The following USP42 variants were observed in gnomAD, a reference collection of about 807,000 sequenced individuals.
USP42 encodes the protein ubiquitin specific peptidase 42.
Under a neutral mutation model 113.0 loss-of-function variants are expected in USP42, and 23 were observed. The ratio of observed to expected loss-of-function variants is 0.20; its 90% CI spans 0.15 to 0.29. The LOEUF (loss-of-function observed/expected upper bound fraction) is 0.29. Among genes scored for constraint, USP42 ranks in the 10% least tolerant of loss-of-function variants. The pLI, the probability that USP42 is intolerant of heterozygous loss-of-function variation, is 1.00. For missense variants in USP42, 2,174 were observed against 1,779.8 expected, an observed-to-expected ratio of 1.22 and a Z score of -3.99; for synonymous variants, 933 against 699.0, an observed-to-expected ratio of 1.33 and a Z score of -5.28.
At position 6,157,666 on chromosome 7, in the gene USP42, T is replaced by C. The variant is rs186661622; in HGVS notation, c.3943+611T>C. On this transcript the variant is annotated intron_variant, in intron 16 of 17. Coordinates refer to ENST00000306177, the MANE Select transcript of USP42 (RefSeq NM_032172.3). This position sits in a 1 kb window ranked among gnomAD's most constrained non-coding sequence, Gnocchi z 4.1. ...TTTTGATAGAAATACTTTTGCAGCG[T>C]ATACGTTACTCTCCCGAATCCTTAA... is the stretch of plus-strand genomic sequence containing the variant. 5.6e-4 allele frequency among the ~76,000 whole-genome samples: 86 copies of C among 152,344 alleles called. No individual in the cohort carries two copies. The highest frequency in any genetic ancestry group is 2.0e-3 in the African/African-American group (83 of 41,586).
rs1383077474 is a variant in USP42 at position 6,154,708 on chromosome 7, G to T, written c.3154G>T (p.Asp1052Tyr). ...CTGGGGCCGGGAGAAGTTCTACCCC[G>T]ACAGGCCGCGCTGGGACAGGTGCCG... ...RGWGREKFYP[D>Y]RPRWDRCRYY... is the part of the protein sequence containing the mutation. The change falls in exon 15 of 18, where the codon GAC becomes TAC. Residue 1052 changes from aspartate (D) to tyrosine (Y), a missense_variant. Physicochemically the swap from Asp to Tyr is radical, Grantham distance 160. Coordinates refer to ENST00000306177, the MANE Select transcript of USP42 (RefSeq NM_032172.3). 3 of 1,597,080 alleles carry T rather than the reference G, an allele frequency of 1.9e-6. No individual in the cohort carries two copies. The highest frequency in any genetic ancestry group is 3.4e-5 in the Admixed American group (2 of 58,308).
At chr7:6,132,694 C>A (rs146156145) in intron 3 of USP42, among the ~76,000 whole-genome samples, 1 of 151,678 alleles carries the variant, frequency 6.6e-6, no homozygotes, top group Admixed American at 6.6e-5. Context: ...TTTTTTGAGA[C>A]GGAGTTTTGC....
chr7:6,111,474 G>A (rs560244987), intron 2 of USP42, 100 bp downstream of exon 2: 1,227 of 1,428,192 alleles, frequency 8.6e-4, no homozygotes, highest in Non-Finnish European at 1.1e-3. Context: ...CAAGGCGTGA[G>A]GCCACCTGAG....
rs1779851622 is a variant in USP42, at chr7:6,115,212, G to A, written c.242-111G>A. ...CTTCCCCCTGTATTTCAGGTAGGCT[G>A]GTCATGAGATTTCGGATCTTGTAAA... On this transcript the variant is annotated intron_variant, in intron 2 of 17. Coordinates refer to ENST00000306177, the MANE Select transcript of USP42 (RefSeq NM_032172.3). 42 of 1,027,124 alleles carry A rather than the reference G, an allele frequency of 4.1e-5. No individual in the cohort carries two copies. In the South Asian group the frequency reaches 5.9e-4, roughly 15 times the overall value. The allele number at this position is 1,027,124 out of a possible 1,614,324, so 63.6% of individuals were successfully genotyped here.
intron 3 of USP42, among the ~76,000 whole-genome samples, chr7:6,124,241 AT>A (rs1232490082): frequency 2.0e-5 from 3 of 151,460 alleles, no homozygotes; most frequent in Non-Finnish European, 4.4e-5. Context: ...TCTTTAACTT[AT>A]TTTTGTCTGT....
the USP42 span, among the ~76,000 whole-genome samples, chr7:6,098,703 C>T: frequency 6.7e-6 from 1 of 150,094 alleles, no homozygotes. Flanking sequence ...CACCACCACA[C>T]CTGGCTAATT....
In USP42 at chr7:6,111,255, T is replaced by C; in HGVS notation, c.122T>C (p.Val41Ala). Residue 41 changes from valine (V) to alanine (A), a missense_variant, in exon 2 of 18, where the codon GTG becomes GCG. Coordinates refer to ENST00000306177, the MANE Select transcript of USP42 (RefSeq NM_032172.3). ...MDAGSASWGAVSSLNDVSNHT... is the reference protein window; with the variant it reads ...MDAGSASWGAASSLNDVSNHT... ...GCAGGTTCTGCCAGCTGGGGTGCTG[T>C]GTCTTCATTGAATGATGTGTCAAAT... 1 of 1,608,474 alleles carries C rather than the reference T, an allele frequency of 6.2e-7. No individual in the cohort carries two copies. Among genetic ancestry groups the C allele is most frequent in the Non-Finnish European group, 8.5e-7 (1 of 1,177,202 alleles).
the USP42 span, among the ~76,000 whole-genome samples, chr7:6,090,320 ATATATATATATTTCTTTATATATATATT>A: frequency 7.0e-6 from 1 of 142,554 alleles, no homozygotes; most frequent in Admixed American, 7.1e-5. Flanking sequence ...AAAAAGAAAT[ATATATATATATTTCTTTATATATATATT>A]TATATATATA....
At chr7:6,145,461 A>G in intron 9 of USP42, 55 bp from the exon 10 acceptor site, 5 of 1,608,656 alleles carry the variant, frequency 3.1e-6, no homozygotes, top group South Asian at 2.2e-5. Context: ...CTACCTGAAT[A>G]TGTGGAATGA....
intron 4 of USP42, among the ~76,000 whole-genome samples, chr7:6,138,375 G>A (rs1309325703): frequency 6.6e-6 from 1 of 152,168 alleles, no homozygotes; most frequent in African/African-American, 2.4e-5. Flanking sequence ...AATTAGATAG[G>A]TTGGGAGATT....
chr7:6,131,787 C>T (rs370189462), intron 3 of USP42, among the ~76,000 whole-genome samples: 48 of 152,242 alleles, frequency 3.2e-4, no homozygotes, highest in Non-Finnish European at 4.4e-4. Context: ...CCTTTCACAG[C>T]CTTTTAAGGT....
intron 1 of USP42, among the ~76,000 whole-genome samples, chr7:6,109,385 C>T (rs915224285): frequency 6.6e-6 from 1 of 151,982 alleles, no homozygotes; most frequent in Admixed American, 6.6e-5. Flanking sequence ...GGTGTTCTTT[C>T]TTCCTTTCCT....
At position 6,154,715 on chromosome 7, in the gene USP42, C is replaced by T. The variant is rs781494163; in HGVS notation, c.3161C>T (p.Pro1054Leu). 5 of 1,593,804 alleles carry T rather than the reference C, an allele frequency of 3.1e-6. No homozygotes were observed. The South Asian group carries it at 5.7e-5, about 18-fold the overall frequency. ...WGREKFYPDR[P>L]RWDRCRYYHD... ...CGGGAGAAGTTCTACCCCGACAGGC[C>T]GCGCTGGGACAGGTGCCGGTACTAC... Residue 1054 changes from proline (P) to leucine (L), a missense_variant, in exon 15 of 18, where the codon CCG becomes CTG. Physicochemically the swap from Pro to Leu is moderately conservative, Grantham distance 98 (BLOSUM62 -3). Coordinates refer to ENST00000306177, the MANE Select transcript of USP42 (RefSeq NM_032172.3).
chr7:6,157,248 T>C lies in USP42; in HGVS notation c.3943+193T>C. 2 of 1,349,050 alleles carry C rather than the reference T, an allele frequency of 1.5e-6. No homozygotes were observed. The highest frequency in any genetic ancestry group is 1.9e-6 in the Non-Finnish European group (2 of 1,054,972). The allele number at this position is 1,349,050 out of a possible 1,614,324, so 83.6% of individuals were successfully genotyped here. On this transcript the variant is annotated intron_variant, in intron 16 of 17. Transcript: ENST00000306177. The surrounding 1 kb of genome is among the most constrained non-coding windows in gnomAD (Gnocchi z 4.1). The stretch of plus-strand genomic sequence containing the variant: ...GTGGTTCCGTTGCACAGTTAAGCCC[T>C]TAGCGTTTATTGAAGGCCTAAGTGA...
chr7:6,143,253 G>A (rs1781528575), intron 8 of USP42, among the ~76,000 whole-genome samples: 1 of 152,190 alleles, frequency 6.6e-6, no homozygotes. Context: ...GGGCAGATTC[G>A]GTGGGAGGAG....
intron 3 of USP42, among the ~76,000 whole-genome samples, chr7:6,123,184 C>G (rs1380508087): frequency 6.6e-6 from 1 of 152,032 alleles, no homozygotes; most frequent in African/African-American, 2.4e-5. Flanking sequence ...CCTCTTCATC[C>G]CAAATAATAT....
chr7:6,127,358 C>T (rs1780597991), intron 3 of USP42, among the ~76,000 whole-genome samples: 1 of 152,010 alleles, frequency 6.6e-6, no homozygotes, highest in African/African-American at 2.4e-5. Flanking sequence ...ATCTCTTTGC[C>T]TAGCTCTTGA....
the USP42 span, among the ~76,000 whole-genome samples, chr7:6,085,860 G>A: frequency 6.6e-6 from 1 of 150,398 alleles, no homozygotes; most frequent in Non-Finnish European, 1.5e-5. Context: ...TGATCTGCCC[G>A]CCTTGGCCTC....
rs1583608422 is a variant in USP42 at position 6,123,928 on chromosome 7, T to A, written c.442+8405T>A. 2.7e-5 allele frequency among the ~76,000 whole-genome samples: 4 copies of A among 150,934 alleles called. No individual in the cohort carries two copies. The South Asian group carries it at 8.4e-4, about 32-fold the overall frequency. On this transcript the variant is annotated intron_variant, in intron 3 of 17. Coordinates refer to ENST00000306177, the MANE Select transcript of USP42 (RefSeq NM_032172.3). ...TCTCACTTTGTCACCTATGCTGGAG[T>A]GCACTGGCATGATCTTGGCTCACTG... is the stretch of plus-strand genomic sequence containing the variant.
Sources: gnomAD v4.1 joint callset for allele counts (sites outside exome capture counted in the v4.1 genomes callset) on GRCh38, gnomAD v4.1.1 for gene constraint, Gnocchi (gnomAD v3.1) non-coding constraint, MANE v1.5 for transcripts, NCBI Gene and HGNC (gene_info 2026-07-23, HGNC 2026-07-21) for gene names.